Variants in AP1B1 observed in about 807,000 individuals in gnomAD.
AP1B1 encodes the protein AP-1 complex subunit beta-1.
In AP1B1, 36 loss-of-function variants were observed where a neutral mutation model predicts 104.3. The observed-to-expected ratio is 0.35, with a 90% confidence interval of 0.26 to 0.46. The LOEUF is 0.46. Among genes scored for constraint, AP1B1 ranks in the 20% least tolerant of loss-of-function variants. AP1B1 has a pLI of 1.00. For synonymous variants in AP1B1, 504 were observed against 517.5 expected (o/e 0.97, Z 0.35); for missense variants, 901 against 1,247.9 (o/e 0.72, Z 4.19).
rs1232820148 is a variant in AP1B1, at chr22:29,328,528, C to T, written c.*293G>A. The T allele has an allele frequency of 2.4e-5, 9 of 373,002 alleles. No homozygotes were observed. The highest frequency in any genetic ancestry group is 5.0e-6 in the Non-Finnish European group (1 of 199,154). 23.1% of individuals were successfully genotyped at this position (373,002 alleles called of 1,614,324 possible). ...AAGCTCCACACTCACCCTTCAGGCA[C>T]AGCTTCTGTGGCTGCTCTGGCTCTG... On this transcript the variant is annotated 3_prime_UTR_variant, in exon 23 of 23. Transcript: ENST00000357586. This position sits in a 1 kb window ranked among gnomAD's most constrained non-coding sequence, Gnocchi z 4.1.
intron 16 of AP1B1, among the ~76,000 whole-genome samples, chr22:29,336,599 CAA>C (rs2061641270): frequency 6.6e-6 from 1 of 152,084 alleles, no homozygotes; most frequent in African/African-American, 2.4e-5. Flanking sequence ...GTCACGAGTT[CAA>C]GACTAGCCTG....
rs544806304 is a variant in AP1B1 at position 29,335,002 on chromosome 22, T to C, written c.2164-592A>G. On this transcript the variant is annotated intron_variant, in intron 16 of 22. Transcript: ENST00000357586. ...AAGTCTCAGCTCAAGAACCACCTCC[T>C]CCTGGAACCCTGCCCCCAGGTTCCC... 1.6e-4 allele frequency among the ~76,000 whole-genome samples: 24 copies of C among 152,276 alleles called. No individual in the cohort carries two copies. In the South Asian group the frequency reaches 3.9e-3, roughly 25 times the overall value.
chr22:29,369,140 C>G (rs931843794), intron 1 of AP1B1, among the ~76,000 whole-genome samples: 2 of 152,008 alleles, frequency 1.3e-5, no homozygotes, highest in Non-Finnish European at 2.9e-5. Context: ...CATTACTATA[C>G]GGGGGCAAGA....
chr22:29,342,266 G>C lies in AP1B1; in HGVS notation c.1536+19C>G. 1 of 1,601,200 alleles carries C rather than the reference G, an allele frequency of 6.2e-7. No individual in the cohort carries two copies. The highest frequency in any genetic ancestry group is 8.6e-7 in the Non-Finnish European group (1 of 1,169,218). ...AGTGAGGGCTATGCTGGGCACAGCG[G>C]GGAGGTTGGGGCACCCACCTGAGTG... On this transcript the variant is annotated intron_variant, in intron 12 of 22. Coordinates refer to ENST00000357586, the MANE Select transcript of AP1B1 (RefSeq NM_001127.4).
intron 3 of AP1B1, among the ~76,000 whole-genome samples, chr22:29,362,088 G>A (rs937823626): frequency 6.6e-5 from 10 of 152,100 alleles, no homozygotes; most frequent in Admixed American, 2.0e-4. Context: ...CACCACATCC[G>A]GCCTCGAATG....
intron 15 of AP1B1, 28 bp from the exon 16 acceptor site, chr22:29,339,161 TG>T: frequency 6.2e-7 from 1 of 1,613,432 alleles, no homozygotes. Flanking sequence ...GAGTCAGAGG[TG>T]GGCGTCAAGA....
chr22:29,372,947 A>T (rs1019335382), intron 1 of AP1B1, among the ~76,000 whole-genome samples: 6 of 152,236 alleles, frequency 3.9e-5, no homozygotes, highest in Non-Finnish European at 8.8e-5. Context: ...AAGTATGCTG[A>T]ACTGAGTCTA....
Position 29,354,631 on chromosome 22 carries a change from C to T in AP1B1, c.938+19G>A, listed in dbSNP as rs73403038. On this transcript the variant is annotated intron_variant, in intron 7 of 22. Transcript: ENST00000357586. ...TCCCCGAGGGGTACGCATGGACGTG[C>T]GTGTGGTGACCTCAGTACCTTTTCT... 9.6e-4 allele frequency: 1,549 copies of T among 1,611,138 alleles called. 13 individuals are homozygous for T. In the African/African-American group the frequency reaches 0.018, roughly 19 times the overall value.
rs1461768134 is a variant in AP1B1 at position 29,358,969 on chromosome 22, G to A, written c.282C>T (p.Asp94=). The change falls in exon 5 of 23, where the codon GAC becomes GAT. Residue 94 remains aspartate (D), a splice_region_variant and synonymous_variant. Coordinates refer to ENST00000357586, the MANE Select transcript of AP1B1 (RefSeq NM_001127.4). ...GGATGAGGGGGTTGGGGTCCTCACAGTCCTGGGGGGAACCAGCCATCGGCC... is the reference window on the plus strand; with the variant it reads ...GGATGAGGGGGTTGGGGTCCTCACAATCCTGGGGGGAACCAGCCATCGGCC... ...AIMAVNTFVK[D]CEDPNPLIRA... is the part of the protein sequence containing the mutation. 6.2e-7 allele frequency: 1 copy of A among 1,604,492 alleles called. No individual in the cohort carries two copies. The highest frequency in any genetic ancestry group is 1.1e-5 in the South Asian group (1 of 90,162).
intron 7 of AP1B1, 29 bp downstream of exon 7, chr22:29,354,621 C>T (rs908479339): frequency 2.6e-5 from 41 of 1,604,892 alleles, no homozygotes; most frequent in Non-Finnish European, 3.4e-5. Flanking sequence ...GAGGGGTACG[C>T]ATGGACGTGC....
chr22:29,335,443 G>A (rs903774860), intron 16 of AP1B1, among the ~76,000 whole-genome samples: 16 of 141,896 alleles, frequency 1.1e-4, no homozygotes, highest in Admixed American at 5.6e-4. Context: ...AGACAGTCAC[G>A]CAACCCAAGT....
At chr22:29,329,418 A>G (rs1428488865) in intron 22 of AP1B1, 1 of 1,301,374 alleles carries the variant, frequency 7.7e-7, no homozygotes, top group Non-Finnish European at 9.7e-7. Context: ...GCCCCCACCC[A>G]TCCACTCTAA....
At chr22:29,331,409 C>A in intron 19 of AP1B1, 40 bp downstream of exon 19, 2 of 1,601,196 alleles carry the variant, frequency 1.2e-6, no homozygotes, top group Non-Finnish European at 1.7e-6. Context: ...CAAGCCACAG[C>A]CCCATTTCAG....
chr22:29,342,493 C>A, intron 11 of AP1B1, 110 bp from the exon 12 acceptor site: 2 of 856,268 alleles, frequency 2.3e-6, no homozygotes, highest in Non-Finnish European at 3.7e-6. Context: ...GGAAGCCAAG[C>A]ATAGCTATTC....
At chr22:29,334,195 G>A in intron 17 of AP1B1, 70 bp downstream of exon 17, 1 of 1,378,058 alleles carries the variant, frequency 7.3e-7, no homozygotes. Context: ...GCAGTCCCCA[G>A]AACAGACTCC....
chr22:29,359,946 C>T lies in AP1B1; in HGVS notation c.157G>A (p.Asp53Asn). ...VGKDVSALFP[D>N]VVNCMQTDNL... ...TCCGTCTGCATGCAGTTGACCACATCGGGGAAGAGGGCACTGGAAGGTCAA... is the reference window on the plus strand; with the variant it reads ...TCCGTCTGCATGCAGTTGACCACATTGGGGAAGAGGGCACTGGAAGGTCAA... The change falls in exon 4 of 23, where the codon GAT becomes AAT. Residue 53 changes from aspartate (D) to asparagine (N), a missense_variant. This residue lies in a region of AP1B1 where 471 missense variants were observed against 696.7 expected (regional missense o/e 0.68). Coordinates refer to ENST00000357586, the MANE Select transcript of AP1B1 (RefSeq NM_001127.4). The T allele has an allele frequency of 1.2e-6, 2 of 1,613,056 alleles. No homozygotes were observed. The highest frequency in any genetic ancestry group is 1.1e-5 in the South Asian group (1 of 90,688).
chr22:29,348,022 G>C (rs2061818258), intron 11 of AP1B1, among the ~76,000 whole-genome samples: 2 of 152,226 alleles, frequency 1.3e-5, no homozygotes, highest in Admixed American at 1.3e-4. Context: ...GTTGGTAACA[G>C]AAAAAGGCAA....
chr22:29,368,069 G>A (rs2062172404), intron 1 of AP1B1, among the ~76,000 whole-genome samples: 1 of 152,144 alleles, frequency 6.6e-6, no homozygotes, highest in African/African-American at 2.4e-5. Context: ...AGGCTGAGGC[G>A]GGTGGATCAC....
At chr22:29,359,598 G>C in intron 4 of AP1B1, 1 of 481,026 alleles carries the variant, frequency 2.1e-6, no homozygotes. Context: ...GGGATCAACA[G>C]GCCTGGCAGG....
Sources: allele counts gnomAD v4.1 joint callset (sites outside exome capture counted in the v4.1 genomes callset), GRCh38; gene constraint gnomAD v4.1.1; regional missense constraint gnomAD v4.1.1; non-coding constraint Gnocchi (gnomAD v3.1); transcripts MANE v1.5; gene names NCBI Gene and HGNC (gene_info 2026-07-23, HGNC 2026-07-21).